Variants in MROH2B observed in about 807,000 individuals in gnomAD.
The protein encoded by MROH2B is maestro heat like repeat family member 2B, also known as maestro heat-like repeat-containing protein family member 2B.
MROH2B carries 177 observed loss-of-function variants against 208.6 expected under a neutral mutation model. The ratio of observed to expected loss-of-function variants is 0.85; its 90% CI spans 0.75 to 0.96. The LOEUF (loss-of-function observed/expected upper bound fraction) is 0.96, where lower values mean the gene tolerates loss of function less well. Among genes scored for constraint, MROH2B ranks in the 40% least tolerant of loss-of-function variants. The pLI is 0.00. For missense variants in MROH2B, 2,002 were observed against 1,878.7 expected (o/e 1.07, Z -1.21); for synonymous variants, 728 against 659.0 (o/e 1.10, Z -1.60).
At chr5:41,033,713 A>C (rs932867744) in intron 22 of MROH2B, 125 bp downstream of exon 22, 2 of 754,700 alleles carry the variant, frequency 2.7e-6, no homozygotes, top group Non-Finnish European at 4.3e-6. Flanking sequence ...GGATTGTTAC[A>C]TGTTGGAAAC....
In MROH2B at chr5:41,045,776, C is replaced by T. The variant is rs1356128941; in HGVS notation, c.1806G>A (p.Met602Ile). The change falls in exon 18 of 42, where the codon ATG becomes ATA. Residue 602 changes from methionine (M) to isoleucine (I), a missense_variant. Met to Ile is a conservative substitution (Grantham distance 10). Transcript: ENST00000399564. Reference protein sequence around the residue: ...IQLTQDFKQQMGSYSNNSTEK... With the variant: ...IQLTQDFKQQIGSYSNNSTEK... ...CAGTGGAGTTATTGCTGTAACTGCC[C>T]ATTTGCTGTTTGAAATCCTGAGTCA... is the stretch of plus-strand genomic sequence containing the variant. 6.2e-7 allele frequency: 1 copy of T among 1,613,514 alleles called. No individual in the cohort carries two copies. The highest frequency in any genetic ancestry group is 1.1e-5 in the South Asian group (1 of 91,068).
At chr5:41,009,119 C>T (rs981717011) in intron 32 of MROH2B, among the ~76,000 whole-genome samples, 161 bp downstream of exon 32, 33 of 151,980 alleles carry the variant, frequency 2.2e-4, no homozygotes, top group African/African-American at 7.5e-4. Context: ...AAATGATCAG[C>T]CACAGACAAA....
rs762182319 is a variant in MROH2B at position 41,069,702 on chromosome 5, T to C, written c.79A>G (p.Ile27Val). 6.2e-7 allele frequency: 1 copy of C among 1,605,144 alleles called. No individual in the cohort carries two copies. The highest frequency in any genetic ancestry group is 1.1e-5 in the South Asian group (1 of 89,288). ...LTLGMLNKED[I>V]VNKEDIYSHL... ...TCTGTTTTCCCTACCTTGTTAACAA[T>C]ATCTTCCTTGTTCAGCATGCCAAGA... The change falls in exon 2 of 42, where the codon ATT becomes GTT. Residue 27 changes from isoleucine (I) to valine (V), a missense_variant. Transcript: ENST00000399564.
chr5:41,070,056 G>GGA (rs550237499), intron 1 of MROH2B, among the ~76,000 whole-genome samples: 57 of 152,248 alleles, frequency 3.7e-4, no homozygotes, highest in Middle Eastern at 3.4e-3. Flanking sequence ...CTCTCTTGCA[G>GGA]GATTTAGCTC....
In MROH2B at chr5:41,033,802, T is replaced by TATCTATC. The variant is rs778688238; in HGVS notation, c.2241+29_2241+35dup. ...GGCATTATCTATCTATCTATCTATC[T>TATCTATC]ATCTATCTATCTATCTATCTATCTA... On this transcript the variant is annotated intron_variant, in intron 22 of 41. Coordinates refer to ENST00000399564, the MANE Select transcript of MROH2B (RefSeq NM_173489.5). 2.6e-5 allele frequency: 32 copies of TATCTATC among 1,252,014 alleles called. No individual in the cohort carries two copies. The African/African-American group carries it at 5.0e-4, about 20-fold the overall frequency. The allele number at this position is 1,252,014 out of a possible 1,614,324, so 77.6% of individuals were successfully genotyped here. A position where few individuals can be genotyped will look rare whatever the true frequency, so the allele number is the denominator to read the frequency against.
chr5:41,009,138 C>T, intron 32 of MROH2B, 142 bp downstream of exon 32: 2 of 1,178,770 alleles, frequency 1.7e-6, no homozygotes, highest in Admixed American at 2.6e-5. Context: ...AAAGTAGAGC[C>T]ACAACTATAA....
At chr5:41,068,356 T>A (rs1029774513) in intron 2 of MROH2B, among the ~76,000 whole-genome samples, 1 of 152,210 alleles carries the variant, frequency 6.6e-6, no homozygotes, top group Admixed American at 6.5e-5. Flanking sequence ...CCTTGTTCTT[T>A]GGCAAGGCTA....
chr5:41,015,117 T>C (rs1427973980), intron 29 of MROH2B, among the ~76,000 whole-genome samples: 1 of 152,184 alleles, frequency 6.6e-6, no homozygotes, highest in South Asian at 2.1e-4. Flanking sequence ...TCTGATTAAC[T>C]CCAAAGCTCT....
chr5:41,056,521 CCCT>C (rs1743457309), intron 9 of MROH2B, among the ~76,000 whole-genome samples: 1 of 152,024 alleles, frequency 6.6e-6, no homozygotes, highest in African/African-American at 2.4e-5. Flanking sequence ...TTGCTGCTGT[CCCT>C]CCTCCTCAGG....
intron 19 of MROH2B, 53 bp downstream of exon 19, chr5:41,042,039 G>T: frequency 1.0e-6 from 1 of 981,148 alleles, no homozygotes; most frequent in Non-Finnish European, 1.6e-6. Flanking sequence ...TTGTGGATAG[G>T]ATTAGTTGTG....
At position 41,032,989 on chromosome 5, in the gene MROH2B, T is replaced by G. The variant is rs73750224; in HGVS notation, c.2361+52A>C. On this transcript the variant is annotated intron_variant, in intron 23 of 41. Coordinates refer to ENST00000399564, the MANE Select transcript of MROH2B (RefSeq NM_173489.5). ...ACTTTTTAAAAAGATAGCCCTGAACTCTTGGTAATGGAATACTCAGGGCCT... is the reference window on the plus strand; with the variant it reads ...ACTTTTTAAAAAGATAGCCCTGAACGCTTGGTAATGGAATACTCAGGGCCT... 1,532 of 1,607,992 alleles carry G rather than the reference T, an allele frequency of 9.5e-4. 16 individuals are homozygous for G. In the African/African-American group the frequency reaches 0.017, roughly 18 times the overall value.
At chr5:41,039,173 A>G (rs1285356351) in intron 20 of MROH2B, among the ~76,000 whole-genome samples, 1 of 152,088 alleles carries the variant, frequency 6.6e-6, no homozygotes, top group African/African-American at 2.4e-5. Context: ...GCATGAGAGG[A>G]GCTATTCATG....
At chr5:41,035,579 G>A (rs1222827197) in intron 21 of MROH2B, among the ~76,000 whole-genome samples, 1 of 151,948 alleles carries the variant, frequency 6.6e-6, no homozygotes. Flanking sequence ...TCTGACAAAG[G>A]TCTAATATCC....
At chr5:41,007,258 G>A in intron 34 of MROH2B, 56 bp downstream of exon 34, 1 of 1,367,442 alleles carries the variant, frequency 7.3e-7, no homozygotes. Flanking sequence ...ACTTTTGTTT[G>A]TTTGTTTGTT....
chr5:41,051,179 G>A, intron 12 of MROH2B, 89 bp from the exon 13 acceptor site: 1 of 680,818 alleles, frequency 1.5e-6, no homozygotes, highest in Non-Finnish European at 2.2e-6. Context: ...AGACTCTGGA[G>A]TAGAGGATGT....
chr5:41,042,113 G>C lies in MROH2B; in HGVS notation c.1932C>G (p.Asn644Lys). ...SQIKEFLTAP[N>K]QLGDQRQGIT... ...CCACCTGTCTTTGATCCCCCAGTTG[G>C]TTGGGAGCAGTCAGAAACTCCTTAA... Residue 644 changes from asparagine to lysine, a missense_variant, in exon 19 of 42, where the codon AAC becomes AAG. Physicochemically the swap from Asn to Lys is moderately conservative, Grantham distance 94. Coordinates refer to ENST00000399564, the MANE Select transcript of MROH2B (RefSeq NM_173489.5). The C allele has an allele frequency of 6.3e-7, 1 of 1,590,894 alleles. No homozygotes were observed. Among genetic ancestry groups the C allele is most frequent in the Non-Finnish European group, 8.6e-7 (1 of 1,167,468 alleles).
rs948571341 is a variant in MROH2B at position 41,004,204 on chromosome 5, T to C, written c.4194+142A>G. 12 of 872,998 alleles carry C rather than the reference T, an allele frequency of 1.4e-5. No individual in the cohort carries two copies. In the African/African-American group the frequency reaches 1.5e-4, roughly 11 times the overall value. The allele number at this position is 872,998 out of a possible 1,614,324, so 54.1% of individuals were successfully genotyped here. On this transcript the variant is annotated intron_variant, in intron 37 of 41. Transcript: ENST00000399564. ...AGATACAGGAAGCCAACAGCTTGTA[T>C]AGAGATTGTCTGCAGGTGACCTGTC...
In MROH2B at chr5:41,031,767, C is replaced by T. The variant is rs142479712; in HGVS notation, c.2441+975G>A. 1.2e-4 allele frequency among the ~76,000 whole-genome samples: 18 copies of T among 152,166 alleles called. No homozygotes were observed. The East Asian group carries it at 3.5e-3, about 29-fold the overall frequency. On this transcript the variant is annotated intron_variant, in intron 24 of 41. Transcript: ENST00000399564. ...TCCACCCACAACTAGGCCCCAGTGT[C>T]TATTGTTTCCTTATTTGTGTCCATG...
In MROH2B at chr5:41,049,088, G is replaced by T; in HGVS notation, c.1542+13C>A. On this transcript the variant is annotated intron_variant, in intron 15 of 41. Coordinates refer to ENST00000399564, the MANE Select transcript of MROH2B (RefSeq NM_173489.5). ...TAAATTTGTTCTACTTTGGTTCTTA[G>T]TAACTCACTCACCAGAAGTCTGGCC... 1 of 1,588,748 alleles carries T rather than the reference G, an allele frequency of 6.3e-7. No homozygotes were observed. The highest frequency in any genetic ancestry group is 8.6e-7 in the Non-Finnish European group (1 of 1,166,246).
Sources: gnomAD v4.1 joint callset for allele counts (sites outside exome capture counted in the v4.1 genomes callset) on GRCh38, gnomAD v4.1.1 for gene constraint, MANE v1.5 for transcripts, NCBI Gene and HGNC (gene_info 2026-07-23, HGNC 2026-07-21) for gene names.